The following STXBP5L variants were observed in gnomAD, a reference collection of about 807,000 sequenced individuals.
The protein encoded by STXBP5L is syntaxin-binding protein 5-like.
In STXBP5L, 65 loss-of-function variants were observed where a neutral mutation model predicts 144.5. That is an observed-to-expected ratio of 0.45 (90% CI 0.37 to 0.55). The LOEUF is 0.55. STXBP5L is among the 20% of genes least tolerant of loss of function. The pLI, the probability that STXBP5L is intolerant of heterozygous loss-of-function variation, is 0.00. For missense variants in STXBP5L, 1,298 were observed against 1,405.5 expected (o/e 0.92, Z 1.22); for synonymous variants, 505 against 469.6 (o/e 1.08, Z -0.97).
chr3:121,258,389 T>A (rs774710887), intron 17 of STXBP5L, among the ~76,000 whole-genome samples: 1 of 152,206 alleles, frequency 6.6e-6, no homozygotes, highest in Non-Finnish European at 1.5e-5. Context: ...AGGAGCAAAA[T>A]TCATGCAATT....
intron 19 of STXBP5L, among the ~76,000 whole-genome samples, chr3:121,300,523 T>C (rs2051847605): frequency 6.6e-6 from 1 of 152,108 alleles, no homozygotes; most frequent in Non-Finnish European, 1.5e-5. Flanking sequence ...TATACTGTTG[T>C]TTTTTTCAAC....
intron 10 of STXBP5L, 21 bp downstream of exon 10, chr3:121,206,022 G>A: frequency 1.4e-6 from 2 of 1,407,380 alleles, no homozygotes; most frequent in Non-Finnish European, 1.9e-6. Flanking sequence ...TTACTTTAGG[G>A]AAAGAGGGAT....
chr3:121,416,000 G>A (rs1287590019), intron 25 of STXBP5L, 32 bp downstream of exon 25: 1 of 1,553,610 alleles, frequency 6.4e-7, no homozygotes, highest in Admixed American at 1.7e-5. Context: ...GAAATGTATT[G>A]CAAAATAGAA....
chr3:121,101,503 A>G (rs1041047277), intron 5 of STXBP5L, among the ~76,000 whole-genome samples: 5 of 152,188 alleles, frequency 3.3e-5, no homozygotes, highest in African/African-American at 1.2e-4. Flanking sequence ...CAATTTACAC[A>G]GAAAATGCTG....
Position 121,139,454 on chromosome 3 carries a change from G to A in STXBP5L, c.670-13023G>A, listed in dbSNP as rs185176475. Among the ~76,000 whole-genome samples, 412 of 152,070 alleles carry A rather than the reference G, an allele frequency of 2.7e-3. 1 individual carries two copies. The highest frequency in any genetic ancestry group is 9.2e-3 in the African/African-American group (383 of 41,528). ...CCATTACACATGAAACAATTAAGGC[G>A]GAATATGAATTAACTTACCCAAGAT... On this transcript the variant is annotated intron_variant, in intron 7 of 26. Transcript: ENST00000471454.
In STXBP5L at chr3:121,192,646, A is replaced by G. The variant is rs185410859; in HGVS notation, c.878-13277A>G. Among the ~76,000 whole-genome samples, 510 of 152,298 alleles carry G rather than the reference A, an allele frequency of 3.3e-3. 13 individuals are homozygous for G. The highest frequency in any genetic ancestry group is 0.03 in the Admixed American group (461 of 15,300). ...GAGAGATAGACCAATGGAACAGAACAGAGGCCTCAGAAATAACACCACACA... is the reference window on the plus strand; with the variant it reads ...GAGAGATAGACCAATGGAACAGAACGGAGGCCTCAGAAATAACACCACACA... On this transcript the variant is annotated intron_variant, in intron 9 of 26. Transcript: ENST00000471454.
intron 19 of STXBP5L, among the ~76,000 whole-genome samples, chr3:121,299,950 A>C (rs1347248935): frequency 6.9e-6 from 1 of 145,336 alleles, no homozygotes; most frequent in Non-Finnish European, 1.5e-5. Context: ...ACTGCACTCC[A>C]GCCTGGGCAA....
chr3:121,386,623 A>T (rs1347625152), intron 22 of STXBP5L, among the ~76,000 whole-genome samples: 1 of 152,048 alleles, frequency 6.6e-6, no homozygotes, highest in Non-Finnish European at 1.5e-5. Context: ...TCATTGTTCA[A>T]TTCCCACCTA....
chr3:121,306,519 T>C (rs2043341732), intron 19 of STXBP5L, among the ~76,000 whole-genome samples: 1 of 152,152 alleles, frequency 6.6e-6, no homozygotes, highest in African/African-American at 2.4e-5. Flanking sequence ...AGGCCCAGAC[T>C]AGTGGCTCAA....
In STXBP5L at chr3:121,157,576, T is replaced by A; in HGVS notation, c.826T>A (p.Leu276Ile). 1 of 1,606,544 alleles carries A rather than the reference T, an allele frequency of 6.2e-7. No homozygotes were observed. The highest frequency in any genetic ancestry group is 8.5e-7 in the Non-Finnish European group (1 of 1,176,954). ...MCSHSDGSLT[L>I]WNLKSPSRPF... ...CAGCCATTCAGATGGTAGTTTGACT[T>A]TATGGAACCTGAAAAGCCCAAGTCG... The change falls in exon 9 of 27, where the codon TTA (leucine) becomes ATA (isoleucine). Residue 276 changes from leucine (L) to isoleucine (I), a missense_variant. Leu to Ile is a conservative substitution (Grantham distance 5, BLOSUM62 2). Coordinates refer to ENST00000471454, the MANE Select transcript of STXBP5L (RefSeq NM_001308330.2).
intron 3 of STXBP5L, among the ~76,000 whole-genome samples, chr3:120,985,806 C>CT (rs368339510): frequency 6.6e-6 from 1 of 151,498 alleles, no homozygotes; most frequent in East Asian, 1.9e-4. Flanking sequence ...TGAGTCTTCT[C>CT]TTTTTTTTCT....
intron 4 of STXBP5L, among the ~76,000 whole-genome samples, chr3:121,044,376 C>T (rs984480663): frequency 6.6e-6 from 1 of 152,100 alleles, no homozygotes; most frequent in Non-Finnish European, 1.5e-5. Flanking sequence ...AGATTCCTAT[C>T]TTCTCTCTTC....
chr3:121,068,341 T>C (rs1212696256), intron 5 of STXBP5L, among the ~76,000 whole-genome samples: 1 of 152,232 alleles, frequency 6.6e-6, no homozygotes, highest in Non-Finnish European at 1.5e-5. Context: ...ACCTAACATT[T>C]AATATAATTT....
chr3:121,027,044 C>T (rs1945999605), intron 3 of STXBP5L, among the ~76,000 whole-genome samples: 1 of 151,666 alleles, frequency 6.6e-6, no homozygotes, highest in Non-Finnish European at 1.5e-5. Flanking sequence ...ATTGGTGTGG[C>T]ATATTCTGAT....
At chr3:121,209,778 C>T (rs1367287027) in intron 10 of STXBP5L, among the ~76,000 whole-genome samples, 1 of 152,226 alleles carries the variant, frequency 6.6e-6, no homozygotes, top group Non-Finnish European at 1.5e-5. Context: ...TTTTTCATGG[C>T]TGCATAGTAT....
intron 5 of STXBP5L, among the ~76,000 whole-genome samples, chr3:121,097,676 G>A (rs769522339): frequency 9.2e-5 from 14 of 152,124 alleles, no homozygotes; most frequent in Admixed American, 5.9e-4. Context: ...GAGATGAACC[G>A]GGTACCTCAG....
At chr3:121,271,476 G>T (rs1372060289) in intron 18 of STXBP5L, among the ~76,000 whole-genome samples, 4 of 152,038 alleles carry the variant, frequency 2.6e-5, no homozygotes, top group Non-Finnish European at 5.9e-5. Context: ...ATGTTATTTA[G>T]AAAACAATGT....
chr3:121,000,456 T>G (rs773813485), intron 3 of STXBP5L, among the ~76,000 whole-genome samples: 9 of 152,192 alleles, frequency 5.9e-5, no homozygotes, highest in Non-Finnish European at 1.2e-4. Flanking sequence ...TTCATGTCTA[T>G]CAGATCAGTT....
intron 3 of STXBP5L, among the ~76,000 whole-genome samples, chr3:120,965,211 G>A (rs990261377): frequency 6.6e-5 from 10 of 152,140 alleles, no homozygotes; most frequent in African/African-American, 2.2e-4. Context: ...ACAGCACACT[G>A]ATGGGTGTTG....
Sources: gnomAD v4.1 joint callset for allele counts (sites outside exome capture counted in the v4.1 genomes callset) on GRCh38, gnomAD v4.1.1 for gene constraint, MANE v1.5 for transcripts, NCBI Gene and HGNC (gene_info 2026-07-23, HGNC 2026-07-21) for gene names.